The following ANKRD44 variants were observed in gnomAD, a reference collection of about 807,000 sequenced individuals.
The protein encoded by ANKRD44 is serine/threonine-protein phosphatase 6 regulatory ankyrin repeat subunit B.
ANKRD44 carries 35 observed loss-of-function variants against 116.0 expected under a neutral mutation model. That is an observed-to-expected ratio of 0.30 (90% CI 0.23 to 0.40). The LOEUF (loss-of-function observed/expected upper bound fraction) is 0.40. ANKRD44 is among the 10% of genes least tolerant of loss of function. The pLI is 1.00. For missense variants in ANKRD44, 1,014 were observed against 1,242.6 expected (o/e 0.82, Z 2.77); for synonymous variants, 435 against 461.8 (o/e 0.94, Z 0.74).
chr2:197,221,199 C>T (rs984772820), intron 1 of ANKRD44, among the ~76,000 whole-genome samples: 18 of 150,140 alleles, frequency 1.2e-4, no homozygotes, highest in Admixed American at 8.0e-4. Context: ...TGCAGTGAGC[C>T]GAGATCATGG....
At chr2:197,254,598 TACACACAC>T (rs3057783) in intron 1 of ANKRD44, among the ~76,000 whole-genome samples, 138 of 148,242 alleles carry the variant, frequency 9.3e-4, no homozygotes, top group Middle Eastern at 3.4e-3. Context: ...CATACATGCA[TACACACAC>T]ACACACACAC....
intron 4 of ANKRD44, among the ~76,000 whole-genome samples, chr2:197,126,290 T>C (rs145279014): frequency 3.3e-5 from 5 of 152,356 alleles, no homozygotes; most frequent in Admixed American, 6.5e-5. Flanking sequence ...CTTCTAAGTA[T>C]ATGATGATGT....
chr2:197,123,573 G>A (rs563383043), intron 6 of ANKRD44, among the ~76,000 whole-genome samples: 1 of 152,328 alleles, frequency 6.6e-6, no homozygotes, highest in East Asian at 1.9e-4. Context: ...AGAGGCTGCA[G>A]TGAGCCGACA....
rs537389168 is a variant in ANKRD44, at chr2:197,222,620, T to C, written c.28-35514A>G. The stretch of plus-strand genomic sequence containing the variant: ...GAGAAGTTTGGGAGAAAGGGCATCA[T>C]CCTCATCACCTAGGGCTGTGCTCAT... On this transcript the variant is annotated intron_variant, in intron 1 of 27. Transcript: ENST00000282272. Among the ~76,000 whole-genome samples the C allele has an allele frequency of 3.9e-5, 6 of 152,232 alleles. No homozygotes were observed. The South Asian group carries it at 1.2e-3, about 32-fold the overall frequency.
In ANKRD44 at chr2:197,279,578, G is replaced by A. The variant is rs535066748; in HGVS notation, c.27+31000C>T. ...ACCCTCTGCTCCAGCCAAGCTGCTC[G>A]CTTCACTGTTCCTGGAAGCCCTTTG... On this transcript the variant is annotated intron_variant, in intron 1 of 27. Coordinates refer to ENST00000282272, the MANE Select transcript of ANKRD44 (RefSeq NM_001195144.2). Among the ~76,000 whole-genome samples the A allele has an allele frequency of 6.2e-4, 95 of 152,168 alleles. 1 individual carries two copies. In the Middle Eastern group the frequency reaches 0.01, roughly 16 times the overall value.
chr2:197,230,483 T>A (rs766635142), intron 1 of ANKRD44, among the ~76,000 whole-genome samples: 1 of 152,162 alleles, frequency 6.6e-6, no homozygotes, highest in Non-Finnish European at 1.5e-5. Context: ...GGAAGGCACA[T>A]AATTCTATCA....
intron 1 of ANKRD44, among the ~76,000 whole-genome samples, chr2:197,197,334 A>G (rs1318569656): frequency 1.3e-5 from 2 of 152,180 alleles, no homozygotes; most frequent in African/African-American, 2.4e-5. Flanking sequence ...AAAAGAAGTC[A>G]TATCATATTT....
intron 1 of ANKRD44, among the ~76,000 whole-genome samples, chr2:197,261,349 G>T (rs973239956): frequency 1.3e-5 from 2 of 151,848 alleles, no homozygotes; most frequent in South Asian, 4.2e-4. Flanking sequence ...TTTCCCCATT[G>T]CTTGTTTTTG....
intron 1 of ANKRD44, among the ~76,000 whole-genome samples, chr2:197,195,983 T>G (rs779216283): frequency 1.2e-4 from 18 of 152,174 alleles, no homozygotes; most frequent in Admixed American, 3.3e-4. Context: ...GAAAGCTAAT[T>G]TGGGCAAAAA....
chr2:197,001,723 A>C, intron 22 of ANKRD44, 30 bp downstream of exon 22: 3 of 1,513,726 alleles, frequency 2.0e-6, no homozygotes, highest in Non-Finnish European at 1.8e-6. Flanking sequence ...CATTAAAGCA[A>C]CATCATTAAC....
At chr2:196,976,083 T>A (rs888120915) in intron 21 of ANKRD44, among the ~76,000 whole-genome samples, 9 of 151,896 alleles carry the variant, frequency 5.9e-5, no homozygotes, top group Admixed American at 3.3e-4. Context: ...ATAGAAAAAA[T>A]TTCTTCAAAC....
chr2:197,098,644 G>A (rs78674851), intron 10 of ANKRD44, among the ~76,000 whole-genome samples: 19,171 of 152,086 alleles, frequency 0.13, 1,419 homozygotes, highest in Non-Finnish European at 0.17. Context: ...CTACGTGCCA[G>A]GCACTGTTCA....
At chr2:197,198,158 G>A (rs148538343) in intron 1 of ANKRD44, 2 of 152,438 alleles carry the variant, frequency 1.3e-5, no homozygotes, top group African/African-American at 4.8e-5. Context: ...AACATACACA[G>A]GGAACAGTTT....
intron 10 of ANKRD44, among the ~76,000 whole-genome samples, chr2:197,090,731 C>G (rs1349890346): frequency 6.6e-6 from 1 of 152,132 alleles, no homozygotes; most frequent in Admixed American, 6.5e-5. Context: ...CCTCCCCCAC[C>G]AAATCCTGTG....
rs1277567926 is a variant in ANKRD44, at chr2:197,005,738, T to C, written c.2303A>G (p.Lys768Arg). The C allele has an allele frequency of 3.1e-6, 5 of 1,614,168 alleles. No individual in the cohort carries two copies. The highest frequency in any genetic ancestry group is 3.4e-6 in the Non-Finnish European group (4 of 1,180,014). The part of the protein sequence containing the change: ...MALSEEDCCF[K>R]DNQGYTPLHW... ...CAGCGGCGTGTAGCCTTGGTTATCT[T>C]TGAAACAACAGTCCTCCTCAGAAAG... The change falls in exon 21 of 28, where the codon AAA becomes AGA. Residue 768 changes from lysine to arginine, a missense_variant. By Grantham distance (26) the Lys-to-Arg change is conservative. Transcript: ENST00000282272.
intron 1 of ANKRD44, among the ~76,000 whole-genome samples, chr2:197,189,272 C>A (rs1175582994): frequency 2.6e-5 from 4 of 152,172 alleles, no homozygotes; most frequent in African/African-American, 4.8e-5. Context: ...AAATTCCCAG[C>A]AAATGAACAT....
intron 3 of ANKRD44, among the ~76,000 whole-genome samples, chr2:197,142,502 G>A (rs1457024453): frequency 6.6e-6 from 1 of 152,064 alleles, no homozygotes; most frequent in Non-Finnish European, 1.5e-5. Context: ...AATTACCATA[G>A]AAGAGGGTAT....
In ANKRD44 at chr2:196,998,919, C is replaced by G. The variant is rs925950082; in HGVS notation, c.2653G>C (p.Ala885Pro). 6 of 1,614,042 alleles carry G rather than the reference C, an allele frequency of 3.7e-6. No individual in the cohort carries two copies. Among genetic ancestry groups the G allele is most frequent in the Non-Finnish European group, 5.1e-6 (6 of 1,180,022 alleles). The change falls in exon 24 of 28, where the codon GCA becomes CCA. Residue 885 changes from alanine to proline, a missense_variant. Physicochemically the swap from Ala to Pro is conservative, Grantham distance 27 (BLOSUM62 -1). Transcript: ENST00000282272. The part of the protein sequence containing the change: ...ALMMAAENGQ[A>P]GAVDILVNSA... ...AACAAGCACATACCCACAGCGCCTG[C>G]CTGCCCATTCTCAGCAGCCATCATC...
chr2:197,161,160 G>A (rs1268417595), intron 2 of ANKRD44, among the ~76,000 whole-genome samples: 2 of 152,104 alleles, frequency 1.3e-5, no homozygotes, highest in African/African-American at 4.8e-5. Flanking sequence ...GGCAGGCTTC[G>A]AAGCCCCTTC....
Sources: allele counts gnomAD v4.1 joint callset (sites outside exome capture counted in the v4.1 genomes callset), GRCh38; gene constraint gnomAD v4.1.1; transcripts MANE v1.5; gene names NCBI Gene and HGNC (gene_info 2026-07-23, HGNC 2026-07-21).